Variants in LINGO1 observed in about 807,000 individuals in gnomAD.
LINGO1 encodes the protein leucine-rich repeat and immunoglobulin-like domain-containing nogo receptor-interacting protein 1.
In LINGO1, 11 loss-of-function variants were observed where a neutral mutation model predicts 37.3. That is an observed-to-expected ratio of 0.29 (90% CI 0.19 to 0.49). LINGO1 has a LOEUF of 0.49. Among genes scored for constraint, LINGO1 ranks in the 20% least tolerant of loss-of-function variants. The pLI is 0.99. For synonymous variants in LINGO1, 387 were observed against 403.0 expected, an observed-to-expected ratio of 0.96 and a Z score of 0.48; for missense variants, 585 against 878.2, an observed-to-expected ratio of 0.67 and a Z score of 4.22.
At chr15:77,782,799 C>T (rs956569298) in intron 1 of LINGO1, among the ~76,000 whole-genome samples, 1 of 152,084 alleles carries the variant, frequency 6.6e-6, no homozygotes, top group South Asian at 2.1e-4. Flanking sequence ...AGGGTCCCTG[C>T]TCTCCCTGCC....
intron 1 of LINGO1, among the ~76,000 whole-genome samples, chr15:77,813,489 G>T (rs1424950954): frequency 6.6e-6 from 1 of 152,124 alleles, no homozygotes; most frequent in Non-Finnish European, 1.5e-5. Context: ...TGTTGGGTGA[G>T]AGCATGACAG....
intron 1 of LINGO1, among the ~76,000 whole-genome samples, chr15:77,808,006 G>A (rs1020121690): frequency 6.6e-6 from 1 of 152,142 alleles, no homozygotes; most frequent in Non-Finnish European, 1.5e-5. Flanking sequence ...AGGGAATGGG[G>A]TGGAAAAAAT....
chr15:77,804,689 TG>T (rs1567593583), intron 1 of LINGO1, among the ~76,000 whole-genome samples: 2 of 152,146 alleles, frequency 1.3e-5, no homozygotes, highest in African/African-American at 4.8e-5. Context: ...CTGAGAGGTC[TG>T]TGCAGTCTGC....
At chr15:77,655,198 G>A (rs1343541695) in intron 3 of LINGO1, among the ~76,000 whole-genome samples, 1 of 152,182 alleles carries the variant, frequency 6.6e-6, no homozygotes, top group Non-Finnish European at 1.5e-5. Context: ...GAACTTCCTG[G>A]AAGGAGGGCT....
chr15:77,617,458 C>G (rs1181804594), intron 1 of LINGO1, among the ~76,000 whole-genome samples: 1 of 152,200 alleles, frequency 6.6e-6, no homozygotes, highest in African/African-American at 2.4e-5. Flanking sequence ...TCTACTGCAG[C>G]CTCCAGTGCC....
At chr15:77,710,184 G>A (rs1443665613) in intron 2 of LINGO1, among the ~76,000 whole-genome samples, 3 of 152,182 alleles carry the variant, frequency 2.0e-5, no homozygotes, top group African/African-American at 4.8e-5. Flanking sequence ...ACCAACACCC[G>A]GCACTCAGCT....
At chr15:77,777,261 T>C (rs1013698372) in intron 1 of LINGO1, among the ~76,000 whole-genome samples, 1 of 100,242 alleles carries the variant, frequency 1.0e-5, no homozygotes, top group Admixed American at 8.8e-5. Context: ...GTTGTTATCA[T>C]GGTGGGGGGG....
Position 77,648,998 on chromosome 15 carries a change from G to A in LINGO1, c.-13+28091C>T, listed in dbSNP as rs11633842. On this transcript the variant is annotated intron_variant, in intron 3 of 3. Transcript: ENST00000559893. ...ATCCCAGAACCCCTCAGCTCTGCATGTACTATTGTGGGTTCTGGTCCGTGG... is the reference window on the plus strand; with the variant it reads ...ATCCCAGAACCCCTCAGCTCTGCATATACTATTGTGGGTTCTGGTCCGTGG... 1,319 of 152,340 alleles carry A rather than the reference G, an allele frequency of 8.7e-3. 5 individuals carry two copies. The highest frequency in any genetic ancestry group is 0.013 in the Non-Finnish European group (892 of 68,036). The allele number at this position is 152,340 out of a possible 1,614,324, so 9.4% of individuals were successfully genotyped here. A position where few individuals can be genotyped will look rare whatever the true frequency, so the allele number is the denominator to read the frequency against.
rs950729404 is a variant in LINGO1, at chr15:77,740,147, G to T, written c.-256-5094C>A. 6.6e-5 allele frequency among the ~76,000 whole-genome samples: 10 copies of T among 152,352 alleles called. No individual in the cohort carries two copies. In the East Asian group the frequency reaches 1.9e-3, roughly 29 times the overall value. On this transcript the variant is annotated intron_variant, in intron 1 of 3. Coordinates refer to the LINGO1 transcript ENST00000561686. ...TTTAAAGGAAAAGCCAAGGAGCCCT[G>T]ACAGCATGGACAGTGTGGTCAGGGA...
chr15:77,747,459 C>T (rs2076325558), intron 1 of LINGO1, among the ~76,000 whole-genome samples: 1 of 152,222 alleles, frequency 6.6e-6, no homozygotes, highest in Non-Finnish European at 1.5e-5. Context: ...CCCCTGCAAG[C>T]CTCTTCATTA....
chr15:77,615,151 C>T lies in LINGO1; in HGVS notation c.756G>A (p.Leu252=), dbSNP rs2073661168. 1 of 1,613,906 alleles carries T rather than the reference C, an allele frequency of 6.2e-7. No homozygotes were observed. The highest frequency in any genetic ancestry group is 1.6e-4 in the Middle Eastern group (1 of 6,062). The change falls in exon 2 of 2, where the codon TTG becomes TTA. Residue 252 remains leucine, a synonymous_variant. Transcript: ENST00000355300. The part of the protein sequence containing the change: ...KVLEISHWPY[L]DTMTPNCLYG... ...AGAGGCAGTTGGGTGTCATGGTGTC[C>T]AAGTAGGGCCAGTGGGAGATCTCCA...
At chr15:77,634,309 C>A (rs1256899843), upstream of LINGO1, 2 of 456,110 alleles carry the variant, frequency 4.4e-6, no homozygotes, top group Non-Finnish European at 8.8e-6. Flanking sequence ...CTGGGTACTT[C>A]TCAGTCTCTC....
chr15:77,624,601 C>T (rs1036664086), intron 1 of LINGO1, among the ~76,000 whole-genome samples: 3 of 152,218 alleles, frequency 2.0e-5, no homozygotes, highest in Non-Finnish European at 4.4e-5. Context: ...TATATATAGG[C>T]TCTGCCCTCC....
chr15:77,731,256 G>C (rs1197675321), intron 2 of LINGO1, among the ~76,000 whole-genome samples: 2 of 152,152 alleles, frequency 1.3e-5, no homozygotes, highest in African/African-American at 4.8e-5. Flanking sequence ...AATACTGTAG[G>C]AGGTGGCAGA....
At chr15:77,811,538 C>T (rs2077005840) in intron 1 of LINGO1, among the ~76,000 whole-genome samples, 1 of 142,194 alleles carries the variant, frequency 7.0e-6, no homozygotes, top group Non-Finnish European at 1.6e-5. Context: ...GTTTTCCTGG[C>T]TGTGCCTGCG....
chr15:77,678,744 CTT>C (rs1278337361), intron 2 of LINGO1, among the ~76,000 whole-genome samples: 3 of 152,208 alleles, frequency 2.0e-5, no homozygotes, highest in African/African-American at 4.8e-5. Flanking sequence ...CTGCCAAACT[CTT>C]TTCCAAGTTG....
chr15:77,619,044 C>A (rs546108345), intron 1 of LINGO1, among the ~76,000 whole-genome samples: 1 of 152,176 alleles, frequency 6.6e-6, no homozygotes, highest in Non-Finnish European at 1.5e-5. Context: ...AGAATGCCAC[C>A]AAGTCCTGCC....
intron 1 of LINGO1, among the ~76,000 whole-genome samples, chr15:77,771,487 C>T (rs970542263): frequency 1.3e-5 from 2 of 152,166 alleles, no homozygotes; most frequent in East Asian, 1.9e-4. Context: ...CTGCAATAGA[C>T]TCCTCTGACC....
intron 1 of LINGO1, among the ~76,000 whole-genome samples, chr15:77,782,459 T>C (rs1420142837): frequency 2.0e-5 from 3 of 152,144 alleles, no homozygotes; most frequent in African/African-American, 7.2e-5. Flanking sequence ...GACCCACATA[T>C]TAGGGCAAAG....
Sources: gnomAD v4.1 joint callset for allele counts (sites outside exome capture counted in the v4.1 genomes callset) on GRCh38, gnomAD v4.1.1 for gene constraint, MANE v1.5 for transcripts, NCBI Gene and HGNC (gene_info 2026-07-23, HGNC 2026-07-21) for gene names.